Variants in RAPGEF6 observed in about 807,000 individuals in gnomAD.
The protein encoded by RAPGEF6 is Rap guanine nucleotide exchange factor 6.
In RAPGEF6, 56 loss-of-function variants were observed where a neutral mutation model predicts 171.4. The observed-to-expected ratio is 0.33, with a 90% CI of 0.26 to 0.41. The LOEUF (loss-of-function observed/expected upper bound fraction) is 0.41, where lower values mean the gene tolerates loss of function less well. RAPGEF6 is among the 10% of genes least tolerant of loss of function. The pLI is 1.00. For synonymous variants in RAPGEF6, 692 were observed against 650.1 expected (o/e 1.06, Z -0.98); for missense variants, 1,674 against 1,921.4 (o/e 0.87, Z 2.41).
chr5:131,512,623 G>C (rs569685329), intron 7 of RAPGEF6, among the ~76,000 whole-genome samples: 1 of 152,174 alleles, frequency 6.6e-6, no homozygotes, highest in South Asian at 2.1e-4. Flanking sequence ...TAACAATCTA[G>C]ACTAAATACT....
chr5:131,460,937 T>A (rs1016222753), intron 19 of RAPGEF6, among the ~76,000 whole-genome samples: 1 of 152,180 alleles, frequency 6.6e-6, no homozygotes, highest in African/African-American at 2.4e-5. Flanking sequence ...ATGCTGCGAT[T>A]TATAAGCACA....
intron 15 of RAPGEF6, among the ~76,000 whole-genome samples, chr5:131,487,263 G>A (rs1408735269): frequency 6.6e-6 from 1 of 152,196 alleles, no homozygotes; most frequent in Admixed American, 6.5e-5. Context: ...CAGACCCAAA[G>A]AGTGAGCAGC....
chr5:131,618,487 A>T (rs1474657607), intron 1 of RAPGEF6, among the ~76,000 whole-genome samples: 1 of 151,842 alleles, frequency 6.6e-6, no homozygotes, highest in African/African-American at 2.4e-5. Flanking sequence ...AAAATACAAA[A>T]ATTAGCCGGG....
intron 6 of RAPGEF6, among the ~76,000 whole-genome samples, chr5:131,523,723 C>T (rs1758666938): frequency 6.6e-6 from 1 of 151,940 alleles, no homozygotes; most frequent in Admixed American, 6.6e-5. Flanking sequence ...GATAGCTAAG[C>T]ATTTTCCAAA....
intron 4 of RAPGEF6, among the ~76,000 whole-genome samples, chr5:131,571,850 G>A (rs959186505): frequency 2.0e-5 from 3 of 151,934 alleles, no homozygotes; most frequent in Admixed American, 1.3e-4. Flanking sequence ...TGACATTCCC[G>A]CCACCACCGC....
At chr5:131,506,518 C>T (rs1016790170) in intron 9 of RAPGEF6, among the ~76,000 whole-genome samples, 6 of 152,078 alleles carry the variant, frequency 3.9e-5, no homozygotes, top group Admixed American at 6.5e-5. Context: ...AAGCCTGAAC[C>T]TTCAATAGTT....
chr5:131,559,990 T>C (rs1283216465), intron 5 of RAPGEF6, among the ~76,000 whole-genome samples: 1 of 152,268 alleles, frequency 6.6e-6, no homozygotes, highest in African/African-American at 2.4e-5. Flanking sequence ...TCTGTACAAA[T>C]AGACAAAACC....
chr5:131,635,217 C>A lies in RAPGEF6; in HGVS notation c.-187G>T. The A allele has an allele frequency of 1.7e-6, 1 of 578,522 alleles. No homozygotes were observed. The allele number at this position is 578,522 out of a possible 1,614,324, so 35.8% of individuals were successfully genotyped here. ...AGGCCTCTACCCACGCGCGACTGGC[C>A]GGAGACAAGTCTGCGCGGGGGCGGG... is the stretch of plus-strand genomic sequence containing the variant. On this transcript the variant is annotated 5_prime_UTR_variant, in exon 1 of 28. Coordinates refer to ENST00000509018, the MANE Select transcript of RAPGEF6 (RefSeq NM_016340.6).
chr5:131,613,673 C>G (rs1297327890), intron 1 of RAPGEF6, among the ~76,000 whole-genome samples: 1 of 152,118 alleles, frequency 6.6e-6, no homozygotes, highest in Non-Finnish European at 1.5e-5. Context: ...ATTTTGTTAG[C>G]TCCTGAAACA....
intron 1 of RAPGEF6, among the ~76,000 whole-genome samples, chr5:131,606,781 G>A (rs1764622095): frequency 6.6e-6 from 1 of 152,184 alleles, no homozygotes; most frequent in Non-Finnish European, 1.5e-5. Flanking sequence ...GACCACTAAT[G>A]TTGTGAGGAA....
At chr5:131,594,563 G>T (rs1214771806) in intron 3 of RAPGEF6, among the ~76,000 whole-genome samples, 2 of 152,232 alleles carry the variant, frequency 1.3e-5, no homozygotes, top group Admixed American at 6.5e-5. Flanking sequence ...CGAAAAGGGG[G>T]CCATTGTCCT....
chr5:131,566,430 CA>C (rs1457498309), intron 4 of RAPGEF6, among the ~76,000 whole-genome samples: 2 of 152,086 alleles, frequency 1.3e-5, no homozygotes, highest in African/African-American at 4.8e-5. Context: ...GGGATAATCC[CA>C]ACTTGATCAT....
rs1992214389 is a variant in RAPGEF6 at position 131,489,545 on chromosome 5, C to T, written c.1840+1G>A. 6.4e-7 allele frequency: 1 copy of T among 1,553,490 alleles called. No individual in the cohort carries two copies. The highest frequency in any genetic ancestry group is 1.2e-5 in the South Asian group (1 of 83,292). Reference sequence around the variant, plus strand: ...CAGGCAATTTTTACAACAAAACTCACCAAAAATGTTGGTCTTCACAGTAAG... The same window carrying T: ...CAGGCAATTTTTACAACAAAACTCATCAAAAATGTTGGTCTTCACAGTAAG... On this transcript the variant is annotated splice_donor_variant, in intron 15 of 27. Transcript: ENST00000509018. LOFTEE classifies it high-confidence loss of function.
At chr5:131,551,231 A>G (rs1429019177) in intron 5 of RAPGEF6, among the ~76,000 whole-genome samples, 2 of 152,134 alleles carry the variant, frequency 1.3e-5, no homozygotes, top group Non-Finnish European at 2.9e-5. Context: ...GTTAATTCAC[A>G]GGCTGGGCAG....
chr5:131,508,339 G>T, intron 8 of RAPGEF6, 132 bp from the exon 9 acceptor site: 2 of 882,058 alleles, frequency 2.3e-6, no homozygotes, highest in Non-Finnish European at 3.3e-6. Flanking sequence ...GAGAAACTAA[G>T]GTACTATTTG....
intron 6 of RAPGEF6, among the ~76,000 whole-genome samples, chr5:131,526,689 C>G (rs1288408968): frequency 1.3e-5 from 2 of 152,178 alleles, no homozygotes; most frequent in African/African-American, 4.8e-5. Flanking sequence ...GACTCAACAG[C>G]TGATCTTTCA....
intron 3 of RAPGEF6, among the ~76,000 whole-genome samples, chr5:131,600,987 T>G (rs1287202661): frequency 6.6e-6 from 1 of 150,836 alleles, no homozygotes; most frequent in Non-Finnish European, 1.5e-5. Context: ...CTGGGTGTAG[T>G]GGCGTATGCC....
intron 11 of RAPGEF6, among the ~76,000 whole-genome samples, chr5:131,502,008 C>T (rs1432542267): frequency 1.3e-5 from 2 of 152,116 alleles, no homozygotes; most frequent in African/African-American, 4.8e-5. Flanking sequence ...AGAGCTGGTA[C>T]AGTTAAGTTC....
Position 131,495,648 on chromosome 5 carries a change from C to A in RAPGEF6, c.1432G>T (p.Val478Leu), listed in dbSNP as rs140676026. The change falls in exon 13 of 28, where the codon GTA becomes TTA. Residue 478 changes from valine (V) to leucine (L), a missense_variant. Physicochemically the swap from Val to Leu is conservative, Grantham distance 32 (BLOSUM62 1). This residue lies in a region of RAPGEF6 where 1,116 missense variants were observed against 1,321.5 expected (regional missense o/e 0.84). Transcript: ENST00000509018. ...DSLRDKVTRI[V>L]LLWVNNHFND... ...AAATGATTATTTACCCATAATAATA[C>A]AATCCGTGTCACCTGTGGAAACATA... 6.2e-7 allele frequency: 1 copy of A among 1,612,590 alleles called. No individual in the cohort carries two copies. The highest frequency in any genetic ancestry group is 2.2e-5 in the East Asian group (1 of 44,782).
Sources: allele counts gnomAD v4.1 joint callset (sites outside exome capture counted in the v4.1 genomes callset), GRCh38; gene constraint gnomAD v4.1.1; regional missense constraint gnomAD v4.1.1; transcripts MANE v1.5; gene names NCBI Gene and HGNC (gene_info 2026-07-23, HGNC 2026-07-21).